The following TDRD12 variants were observed in gnomAD, a reference collection of about 807,000 sequenced individuals.
The protein encoded by TDRD12 is tudor domain containing 12.
In TDRD12, 158 loss-of-function variants were observed where a neutral mutation model predicts 133.5. The observed-to-expected ratio is 1.18, with a 90% confidence interval of 1.04 to 1.35. TDRD12 has a LOEUF of 1.35. TDRD12 is among the 40% of genes most tolerant of loss of function. The probability of loss-of-function intolerance (pLI) is 0.00; values close to 1 mark genes in which losing one functional copy is unlikely to be tolerated. For missense variants in TDRD12, 1,443 were observed against 1,321.3 expected (o/e 1.09, Z -1.43); for synonymous variants, 460 against 477.9 (o/e 0.96, Z 0.49).
chr19:32,780,554 G>C (rs115870409), intron 11 of TDRD12, among the ~76,000 whole-genome samples: 1 of 152,098 alleles, frequency 6.6e-6, no homozygotes. Context: ...TGGTGAGAAC[G>C]CAGCTCTGTT....
downstream of TDRD12, among the ~76,000 whole-genome samples, chr19:32,822,841 C>G (rs1024546212): frequency 6.6e-6 from 1 of 152,084 alleles, no homozygotes; most frequent in African/African-American, 2.4e-5. Context: ...GACCATTTGC[C>G]GTCACTGGAA....
exon 11 of TDRD12, chr19:32,777,210 G>C (rs768528554): frequency 2.6e-6 from 4 of 1,541,700 alleles, no homozygotes; most frequent in Non-Finnish European, 3.5e-6. Context: ...AGAATATGAT[G>C]AGAAGAATAG....
intron 11 of TDRD12, among the ~76,000 whole-genome samples, chr19:32,780,633 C>T (rs961873374): frequency 6.6e-6 from 1 of 152,142 alleles, no homozygotes; most frequent in Non-Finnish European, 1.5e-5. Flanking sequence ...TCCACTCTCC[C>T]CACGTCATGA....
At chr19:32,736,249 C>A (rs1469405207) in intron 2 of TDRD12, among the ~76,000 whole-genome samples, 1 of 152,130 alleles carries the variant, frequency 6.6e-6, no homozygotes, top group Non-Finnish European at 1.5e-5. Flanking sequence ...AAAAAGATTC[C>A]TTTCAAAATA....
chr19:32,789,160 C>G (rs920876228), intron 11 of TDRD12, among the ~76,000 whole-genome samples: 3 of 152,142 alleles, frequency 2.0e-5, no homozygotes, highest in Admixed American at 2.0e-4. Flanking sequence ...CCCCTAATTC[C>G]TAAGCTTTCT....
chr19:32,734,018 A>C (rs2145443514), intron 2 of TDRD12, among the ~76,000 whole-genome samples: 1 of 151,436 alleles, frequency 6.6e-6, no homozygotes, highest in Non-Finnish European at 1.5e-5. Context: ...TAGCCTCCCG[A>C]GTAGCTGGGA....
At chr19:32,755,998 G>A in exon 7 of TDRD12, 2 of 1,465,842 alleles carry the variant, frequency 1.4e-6, no homozygotes, top group South Asian at 1.5e-5. Context: ...ACAGGTTTGT[G>A]TTAATGATGA....
At chr19:32,731,648 T>C in intron 1 of TDRD12, 77 bp from the exon 2 acceptor site, 1 of 1,286,336 alleles carries the variant, frequency 7.8e-7, no homozygotes, top group Non-Finnish European at 1.0e-6. Context: ...GAAACAGTAA[T>C]CGTGGCTCTA....
intron 21 of TDRD12, among the ~76,000 whole-genome samples, chr19:32,807,207 T>C (rs1971574747): frequency 1.5e-5 from 2 of 136,890 alleles, no homozygotes; most frequent in South Asian, 4.5e-4. Flanking sequence ...TAAGAGGCTA[T>C]GGTGAGACAT....
intron 23 of TDRD12, among the ~76,000 whole-genome samples, chr19:32,810,692 A>T (rs557711583): frequency 6.6e-6 from 1 of 152,286 alleles, no homozygotes; most frequent in East Asian, 1.9e-4. Flanking sequence ...CTTCCCTTGA[A>T]TCCACACCTG....
rs150093350 is a variant in TDRD12 at position 32,792,012 on chromosome 19, G to A, written c.1287+944G>A. On this transcript the variant is annotated intron_variant, in intron 13 of 27. Transcript: ENST00000444215. ...CCTGTAATCCTAACACTGGGAGGCC[G>A]AGGCAGGCAGATAACCTGAGGTCAA... Among the ~76,000 whole-genome samples, 879 of 151,572 alleles carry A rather than the reference G, an allele frequency of 5.8e-3. 8 individuals carry two copies. The highest frequency in any genetic ancestry group is 0.02 in the African/African-American group (827 of 41,320).
chr19:32,796,305 G>T (rs1032953659), intron 14 of TDRD12: 4 of 552,182 alleles, frequency 7.2e-6, no homozygotes, highest in Non-Finnish European at 9.2e-6. Context: ...AGTTGCATCT[G>T]TTGGCCGGGC....
intron 2 of TDRD12, among the ~76,000 whole-genome samples, chr19:32,736,298 C>A (rs1969222326): frequency 6.6e-6 from 1 of 152,186 alleles, no homozygotes; most frequent in South Asian, 2.1e-4. Flanking sequence ...TGTCCACAGT[C>A]CCAGCTACTT....
At chr19:32,740,608 T>C (rs895037934) in intron 3 of TDRD12, among the ~76,000 whole-genome samples, 6 of 152,196 alleles carry the variant, frequency 3.9e-5, no homozygotes, top group African/African-American at 1.4e-4. Flanking sequence ...CTGCCTCTTC[T>C]GGGTGCTCCT....
intron 8 of TDRD12, among the ~76,000 whole-genome samples, chr19:32,769,435 G>C (rs1396602798): frequency 6.6e-6 from 1 of 152,184 alleles, no homozygotes; most frequent in East Asian, 1.9e-4. Context: ...CTGTTGCCAG[G>C]TGCTGTGGGT....
At chr19:32,801,864 A>G in exon 19 of TDRD12, 2 of 1,297,414 alleles carry the variant, frequency 1.5e-6, no homozygotes, top group African/African-American at 3.0e-5. Flanking sequence ...TGGCTCTCAA[A>G]TTATATTAGG....
chr19:32,755,228 T>C (rs1335586938), intron 6 of TDRD12, among the ~76,000 whole-genome samples: 1 of 152,232 alleles, frequency 6.6e-6, no homozygotes, highest in Non-Finnish European at 1.5e-5. Flanking sequence ...CAAGTCTTCC[T>C]GTGGATCTGT....
At chr19:32,741,501 C>G (rs1969425119) in intron 3 of TDRD12, among the ~76,000 whole-genome samples, 1 of 152,232 alleles carries the variant, frequency 6.6e-6, no homozygotes, top group African/African-American at 2.4e-5. Flanking sequence ...TTGCATACAA[C>G]CGTAATCGCT....
chr19:32,752,824 A>C (rs1220283170), intron 6 of TDRD12, among the ~76,000 whole-genome samples: 1 of 119,454 alleles, frequency 8.4e-6, no homozygotes. Flanking sequence ...ATGGAGTCTC[A>C]CTCTGTCGCT....
Sources: allele counts gnomAD v4.1 joint callset (sites outside exome capture counted in the v4.1 genomes callset), GRCh38; gene constraint gnomAD v4.1.1; transcripts MANE v1.5; gene names NCBI Gene and HGNC (gene_info 2026-07-23, HGNC 2026-07-21).